Variants in PPARGC1A observed in about 807,000 individuals in gnomAD.
The protein encoded by PPARGC1A is peroxisome proliferator-activated receptor gamma coactivator 1-alpha.
In PPARGC1A, 25 loss-of-function variants were observed where a neutral mutation model predicts 88.7. The observed-to-expected ratio is 0.28, with a 90% CI of 0.21 to 0.39. The LOEUF is 0.39. Ranked by LOEUF, PPARGC1A falls within the 10% of genes least tolerant of loss-of-function variation. PPARGC1A has a pLI of 1.00. For missense variants in PPARGC1A, 880 were observed against 968.7 expected (o/e 0.91, Z 1.22); for synonymous variants, 363 against 355.6 (o/e 1.02, Z -0.24).
At chr4:23,901,551 A>T (rs1259586109), upstream of PPARGC1A, among the ~76,000 whole-genome samples, 1 of 151,872 alleles carries the variant, frequency 6.6e-6, no homozygotes, top group Non-Finnish European at 1.5e-5. Context: ...CTCAAAAAAA[A>T]AAAAAAGAAA....
the PPARGC1A span, among the ~76,000 whole-genome samples, chr4:24,217,829 T>G: frequency 1.7e-4 from 25 of 151,402 alleles, no homozygotes; most frequent in African/African-American, 4.9e-4. Context: ...TAAAATAAAA[T>G]AAAAAGAAAA....
At chr4:24,072,032 T>G in the PPARGC1A span, among the ~76,000 whole-genome samples, 7 of 151,402 alleles carry the variant, frequency 4.6e-5, no homozygotes, top group Admixed American at 6.6e-5. Flanking sequence ...TATACACCTC[T>G]AAGAAATAGG....
At chr4:24,462,171 T>C in the PPARGC1A span, among the ~76,000 whole-genome samples, 2 of 152,072 alleles carry the variant, frequency 1.3e-5, no homozygotes, top group African/African-American at 2.4e-5. Context: ...CTGCAACCTC[T>C]GTCTCCCCAG....
chr4:24,007,378 T>C, the PPARGC1A span, among the ~76,000 whole-genome samples: 2 of 152,180 alleles, frequency 1.3e-5, no homozygotes, highest in South Asian at 4.1e-4. Context: ...CTTGTCCTCA[T>C]TAAGCTTATC....
At chr4:23,973,700 A>G in the PPARGC1A span, among the ~76,000 whole-genome samples, 1 of 152,204 alleles carries the variant, frequency 6.6e-6, no homozygotes, top group African/African-American at 2.4e-5. Flanking sequence ...ATAAACCAGT[A>G]GAATGGAGTT....
chr4:24,027,282 A>T, the PPARGC1A span, among the ~76,000 whole-genome samples: 1 of 148,842 alleles, frequency 6.7e-6, no homozygotes, highest in African/African-American at 2.5e-5. Context: ...CAACTCCACC[A>T]TTTATAGCAT....
upstream of PPARGC1A, among the ~76,000 whole-genome samples, chr4:23,902,931 C>T (rs895110454): frequency 4.6e-5 from 7 of 152,174 alleles, no homozygotes; most frequent in Admixed American, 6.6e-5. Flanking sequence ...TTCAATTTGA[C>T]GCCTGTACTT....
the PPARGC1A span, among the ~76,000 whole-genome samples, chr4:24,301,611 CAAAAAAA>C: frequency 1.3e-5 from 1 of 79,414 alleles, no homozygotes; most frequent in South Asian, 3.8e-4. Flanking sequence ...CACCTATTGC[CAAAAAAA>C]AAAAAAAAAG....
upstream of PPARGC1A, among the ~76,000 whole-genome samples, chr4:23,903,368 T>C (rs1329322672): frequency 6.6e-6 from 1 of 152,232 alleles, no homozygotes; most frequent in Non-Finnish European, 1.5e-5. Flanking sequence ...CCATATAATT[T>C]GCAGTCGGTG....
the PPARGC1A span, among the ~76,000 whole-genome samples, chr4:24,181,087 C>T: frequency 1.3e-5 from 2 of 152,106 alleles, 1 homozygote; most frequent in Admixed American, 1.3e-4. Context: ...CAAGGAAATG[C>T]CACAAACAAG....
the PPARGC1A span, among the ~76,000 whole-genome samples, chr4:24,112,027 G>A: frequency 2.6e-5 from 4 of 151,918 alleles, no homozygotes; most frequent in Non-Finnish European, 5.9e-5. Flanking sequence ...ATAGAATAAA[G>A]CCTTTGGAAG....
the PPARGC1A span, among the ~76,000 whole-genome samples, chr4:24,249,434 G>A: frequency 3.9e-5 from 6 of 152,276 alleles, no homozygotes; most frequent in Admixed American, 3.3e-4. Context: ...GGCCTTGCCC[G>A]TGGTTGTTTC....
At chr4:23,882,062 G>A (rs777051482) in intron 2 of PPARGC1A, 4 of 152,266 alleles carry the variant, frequency 2.6e-5, no homozygotes, top group Non-Finnish European at 4.4e-5. Context: ...AGAGGGCAAA[G>A]AGTGGAGGTG....
chr4:24,088,739 T>C, the PPARGC1A span, among the ~76,000 whole-genome samples: 1 of 152,244 alleles, frequency 6.6e-6, no homozygotes, highest in South Asian at 2.1e-4. Context: ...TAGAAGATCA[T>C]CATGCTTTTT....
upstream of PPARGC1A, among the ~76,000 whole-genome samples, chr4:23,904,713 C>T (rs1413427775): frequency 6.6e-6 from 1 of 152,154 alleles, no homozygotes; most frequent in Non-Finnish European, 1.5e-5. Context: ...CAGGTCAATA[C>T]CAATCATATC....
chr4:24,363,902 C>T, the PPARGC1A span, among the ~76,000 whole-genome samples: 1 of 152,122 alleles, frequency 6.6e-6, no homozygotes, highest in Admixed American at 6.6e-5. Context: ...TTTATGAGTA[C>T]CTAGTTTTTA....
the PPARGC1A span, among the ~76,000 whole-genome samples, chr4:24,325,890 C>T: frequency 4.6e-5 from 7 of 152,176 alleles, no homozygotes; most frequent in Admixed American, 2.6e-4. Context: ...AACTCCCCAA[C>T]TCTGGTGGCA....
chr4:23,854,367 C>T (rs995781498), intron 2 of PPARGC1A, among the ~76,000 whole-genome samples: 7 of 152,152 alleles, frequency 4.6e-5, no homozygotes, highest in Admixed American at 2.6e-4. Flanking sequence ...CTCTCCTAAC[C>T]TTTGGGTGTA....
chr4:24,431,246 G>A, the PPARGC1A span, among the ~76,000 whole-genome samples: 1 of 152,234 alleles, frequency 6.6e-6, no homozygotes, highest in East Asian at 1.9e-4. Flanking sequence ...TGGGGATGCA[G>A]GAGAGATTTC....
Sources: gnomAD v4.1 joint callset for allele counts (sites outside exome capture counted in the v4.1 genomes callset) on GRCh38, gnomAD v4.1.1 for gene constraint, MANE v1.5 for transcripts, NCBI Gene and HGNC (gene_info 2026-07-23, HGNC 2026-07-21) for gene names.